Variants in FNDC1 observed in about 807,000 individuals in gnomAD.
FNDC1 encodes the protein fibronectin type III domain containing 1.
Under a neutral mutation model 168.0 loss-of-function variants are expected in FNDC1, and 96 were observed. The ratio of observed to expected loss-of-function variants is 0.57; its 90% CI spans 0.48 to 0.68. The LOEUF (loss-of-function observed/expected upper bound fraction) is 0.68. Among genes scored for constraint, FNDC1 ranks in the 30% least tolerant of loss-of-function variants. The pLI, the probability that FNDC1 is intolerant of heterozygous loss-of-function variation, is 0.00. For missense variants in FNDC1, 2,587 were observed against 2,482.1 expected (o/e 1.04, Z -0.90); for synonymous variants, 1,099 against 1,025.9 (o/e 1.07, Z -1.36).
chr6:159,234,277 C>T lies in FNDC1; in HGVS notation c.3765C>T (p.Ser1255=), dbSNP rs369296657. Residue 1255 remains serine, a synonymous_variant, in exon 11 of 23, where the codon TCC becomes TCT. Transcript: ENST00000297267. ...CTCCAGGCAGCTCCCCCAGGGCCTCCCACGTCCCTTCCCGACTGCCGCCTC... is the reference window on the plus strand; with the variant it reads ...CTCCAGGCAGCTCCCCCAGGGCCTCTCACGTCCCTTCCCGACTGCCGCCTC... The part of the protein sequence containing the change: ...PPPPGSSPRA[S]HVPSRLPPRS... 3 of 1,598,074 alleles carry T rather than the reference C, an allele frequency of 1.9e-6. No individual in the cohort carries two copies. The African/African-American group carries it at 4.0e-5, about 21-fold the overall frequency.
chr6:159,205,369 A>C (rs1250186021), intron 4 of FNDC1, among the ~76,000 whole-genome samples: 1 of 152,166 alleles, frequency 6.6e-6, no homozygotes, highest in Non-Finnish European at 1.5e-5. Flanking sequence ...AAGGCATATG[A>C]TCTTGCTGGT....
At chr6:159,214,553 T>C (rs1782671204) in intron 4 of FNDC1, among the ~76,000 whole-genome samples, 1 of 152,212 alleles carries the variant, frequency 6.6e-6, no homozygotes, top group Admixed American at 6.5e-5. Context: ...AGGAGAGTTA[T>C]AAATAGCACA....
chr6:159,251,618 C>A, intron 17 of FNDC1, 86 bp downstream of exon 17: 3 of 1,168,824 alleles, frequency 2.6e-6, no homozygotes, highest in Non-Finnish European at 3.7e-6. Flanking sequence ...TGGATGGGTG[C>A]ATGCATGGAT....
chr6:159,246,465 C>T (rs1337782065), intron 14 of FNDC1, among the ~76,000 whole-genome samples: 3 of 152,322 alleles, frequency 2.0e-5, no homozygotes, highest in East Asian at 1.9e-4. Context: ...TGTCACCATC[C>T]TGAGCACCAA....
At position 159,231,908 on chromosome 6, in the gene FNDC1, A is replaced by T. The variant is rs1783089838; in HGVS notation, c.1396A>T (p.Thr466Ser). Residue 466 changes from threonine to serine, a missense_variant, in exon 11 of 23, where the codon ACG becomes TCG. Physicochemically the swap from Thr to Ser is moderately conservative, Grantham distance 58 (BLOSUM62 1). Coordinates refer to ENST00000297267, the MANE Select transcript of FNDC1 (RefSeq NM_032532.3). ...TTSKADVEQN[T>S]EDNGKPEKPE... Reference sequence around the variant, plus strand: ...CAGTAAGGCGGATGTTGAGCAGAACACGGAGGACAATGGGAAACCCGAAAA... The same window carrying T: ...CAGTAAGGCGGATGTTGAGCAGAACTCGGAGGACAATGGGAAACCCGAAAA... The T allele has an allele frequency of 6.2e-7, 1 of 1,610,892 alleles. No homozygotes were observed. Among genetic ancestry groups the T allele is most frequent in the Admixed American group, 1.7e-5 (1 of 59,218 alleles).
At chr6:159,257,487 G>T (rs1334304614) in intron 18 of FNDC1, among the ~76,000 whole-genome samples, 1 of 152,190 alleles carries the variant, frequency 6.6e-6, no homozygotes, top group Non-Finnish European at 1.5e-5. Context: ...GACTGCTGTT[G>T]TGGGGAGCCA....
intron 7 of FNDC1, 74 bp downstream of exon 7, chr6:159,223,719 A>T: frequency 1.2e-6 from 1 of 853,522 alleles, no homozygotes; most frequent in Admixed American, 2.6e-5. Context: ...CATGTATTTA[A>T]TGATTTTATT....
At chr6:159,190,372 TG>T (rs1201338073) in intron 1 of FNDC1, among the ~76,000 whole-genome samples, 1 of 152,238 alleles carries the variant, frequency 6.6e-6, no homozygotes, top group East Asian at 1.9e-4. Context: ...TTTCTTTACC[TG>T]GTGGCATGAA....
Position 159,233,149 on chromosome 6 carries a change from G to A in FNDC1, c.2637G>A (p.Glu879=), listed in dbSNP as rs1407001418. 3.7e-6 allele frequency: 6 copies of A among 1,606,574 alleles called. No homozygotes were observed. Among genetic ancestry groups the A allele is most frequent in the South Asian group, 1.1e-5 (1 of 89,396 alleles). The change falls in exon 11 of 23, where the codon GAG becomes GAA. Residue 879 remains glutamate (E), a synonymous_variant. Transcript: ENST00000297267. This position sits in a 1 kb window ranked among gnomAD's most constrained non-coding sequence, Gnocchi z 4.6. ...PKLSSGIHGD[E]EDEKPLPATV... Reference sequence around the variant, plus strand: ...TTAGCTCAGGTATCCATGGAGACGAGGAGGATGAGAAGCCGCTTCCTGCCA... The same window carrying A: ...TTAGCTCAGGTATCCATGGAGACGAAGAGGATGAGAAGCCGCTTCCTGCCA...
Position 159,208,722 on chromosome 6 carries a change from C to G in FNDC1, c.461-6223C>G, listed in dbSNP as rs1208848836. ...CCTGTGATTCTCAGGGCTTCTCAAA[C>G]TGGGATCCCCAGAACTTGGGAGAAT... On this transcript the variant is annotated intron_variant, in intron 4 of 22. Coordinates refer to ENST00000297267, the MANE Select transcript of FNDC1 (RefSeq NM_032532.3). Among the ~76,000 whole-genome samples the G allele has an allele frequency of 2.0e-4, 31 of 152,218 alleles. 1 individual carries two copies. The highest frequency in any genetic ancestry group is 1.5e-5 in the Non-Finnish European group (1 of 68,050).
At chr6:159,263,788 A>G (rs1777540199) in intron 19 of FNDC1, among the ~76,000 whole-genome samples, 1 of 151,938 alleles carries the variant, frequency 6.6e-6, no homozygotes, top group Admixed American at 6.6e-5. Flanking sequence ...AAATAAAAAT[A>G]AAATAAAAAA....
chr6:159,194,829 G>A (rs2114941793), intron 1 of FNDC1, among the ~76,000 whole-genome samples: 1 of 152,230 alleles, frequency 6.6e-6, no homozygotes, highest in South Asian at 2.1e-4. Flanking sequence ...TGAGAGGCAG[G>A]GCTGGAATGA....
intron 12 of FNDC1, among the ~76,000 whole-genome samples, chr6:159,236,944 A>G (rs934983084): frequency 1.3e-5 from 2 of 152,236 alleles, no homozygotes; most frequent in Admixed American, 1.3e-4. Flanking sequence ...AGAACACTTT[A>G]CAATATTCAG....
intron 6 of FNDC1, among the ~76,000 whole-genome samples, chr6:159,221,930 G>T (rs1782834153): frequency 6.6e-6 from 1 of 152,208 alleles, no homozygotes; most frequent in South Asian, 2.1e-4. Context: ...TCACTGTGCA[G>T]CAGATTTGCT....
At chr6:159,213,219 T>C (rs763398986) in intron 4 of FNDC1, among the ~76,000 whole-genome samples, 4 of 152,162 alleles carry the variant, frequency 2.6e-5, no homozygotes, top group African/African-American at 4.8e-5. Context: ...AGCAGAAAGC[T>C]GTTGTCCCTG....
Position 159,234,169 on chromosome 6 carries a change from C to A in FNDC1, c.3657C>A (p.Leu1219=). 6.3e-7 allele frequency: 1 copy of A among 1,599,114 alleles called. No homozygotes were observed. Among genetic ancestry groups the A allele is most frequent in the East Asian group, 2.2e-5 (1 of 44,654 alleles). The change falls in exon 11 of 23, where the codon CTC becomes CTA. Residue 1219 remains leucine, a synonymous_variant. Transcript: ENST00000297267. The stretch of plus-strand genomic sequence containing the variant: ...GCGGCAAAGACGCCGATGGGAGCCT[C>A]GCCAAGGAAGAGAGGGAGCCTGCCA... ...PRGGKDADGS[L]AKEEREPAIA... is the part of the protein sequence containing the mutation.
At chr6:159,231,518 C>G (rs1268956217) in intron 10 of FNDC1, among the ~76,000 whole-genome samples, 2 of 152,118 alleles carry the variant, frequency 1.3e-5, no homozygotes, top group African/African-American at 2.4e-5. Flanking sequence ...TTGTAATACA[C>G]TGACAATTAG....
At chr6:159,269,600 T>C (rs745817426) in intron 22 of FNDC1, among the ~76,000 whole-genome samples, 50 of 8,680 alleles carry the variant, frequency 5.8e-3, no homozygotes, top group Non-Finnish European at 0.019. Flanking sequence ...TCTGTCTGTC[T>C]ATCTATCTAT....
intron 15 of FNDC1, 114 bp from the exon 16 acceptor site, chr6:159,248,923 GTC>G: frequency 1.3e-5 from 12 of 900,208 alleles, no homozygotes; most frequent in South Asian, 1.9e-5. Context: ...GTGTGTGTGT[GTC>G]TGTCTGTCTG....
Sources: allele counts gnomAD v4.1 joint callset (sites outside exome capture counted in the v4.1 genomes callset), GRCh38; gene constraint gnomAD v4.1.1; non-coding constraint Gnocchi (gnomAD v3.1); transcripts MANE v1.5; gene names NCBI Gene and HGNC (gene_info 2026-07-23, HGNC 2026-07-21).